PTPRT: variants seen among roughly 807,000 people sequenced by gnomAD.
PTPRT encodes the protein receptor-type tyrosine-protein phosphatase T.
A neutral mutation model predicts 176.8 loss-of-function variants in PTPRT; 56 were observed. The ratio of observed to expected loss-of-function variants is 0.32; its 90% CI spans 0.26 to 0.40. The LOEUF is 0.40. Ranked by LOEUF, PTPRT falls within the 10% of genes least tolerant of loss-of-function variation. The pLI is 1.00. For synonymous variants in PTPRT, 783 were observed against 739.0 expected, an observed-to-expected ratio of 1.06 and a Z score of -0.96; for missense variants, 1,540 against 1,908.2, an observed-to-expected ratio of 0.81 and a Z score of 3.60.
intron 1 of PTPRT, among the ~76,000 whole-genome samples, chr20:43,157,305 G>A (rs2014551550): frequency 6.6e-6 from 1 of 152,124 alleles, no homozygotes; most frequent in Non-Finnish European, 1.5e-5. Flanking sequence ...TCAAGGCTGT[G>A]GTGAGTCCTG....
At chr20:42,189,449 G>C (rs1174807267) in intron 16 of PTPRT, among the ~76,000 whole-genome samples, 1 of 152,154 alleles carries the variant, frequency 6.6e-6, no homozygotes, top group East Asian at 1.9e-4. Flanking sequence ...TGGAGGCAGA[G>C]ACCATGTCTT....
intron 1 of PTPRT, among the ~76,000 whole-genome samples, chr20:42,956,003 G>A (rs1159007801): frequency 6.6e-6 from 1 of 152,154 alleles, no homozygotes; most frequent in South Asian, 2.1e-4. Flanking sequence ...TTCCAGGAGA[G>A]GAAGGGAGAG....
intron 6 of PTPRT, among the ~76,000 whole-genome samples, chr20:42,727,649 T>C (rs1416939342): frequency 6.6e-6 from 1 of 152,124 alleles, no homozygotes; most frequent in Non-Finnish European, 1.5e-5. Context: ...TGCCCACCAA[T>C]GTTCAATTCA....
At chr20:42,111,151 T>C (rs1274923446) in intron 22 of PTPRT, among the ~76,000 whole-genome samples, 1 of 152,002 alleles carries the variant, frequency 6.6e-6, no homozygotes, top group Admixed American at 6.6e-5. Context: ...AGAGACACAC[T>C]CCGGGCCCAG....
At chr20:43,102,977 G>T (rs535909412) in intron 1 of PTPRT, among the ~76,000 whole-genome samples, 1 of 152,248 alleles carries the variant, frequency 6.6e-6, no homozygotes, top group South Asian at 2.1e-4. Flanking sequence ...TATAACTGAT[G>T]GCAAGGAAGA....
At chr20:42,795,071 T>G (rs933947423) in intron 2 of PTPRT, among the ~76,000 whole-genome samples, 1 of 152,064 alleles carries the variant, frequency 6.6e-6, no homozygotes, top group African/African-American at 2.4e-5. Flanking sequence ...ATAATTAATA[T>G]CATCCCAGGG....
At chr20:42,357,331 A>G (rs911830878) in intron 9 of PTPRT, among the ~76,000 whole-genome samples, 12 of 152,178 alleles carry the variant, frequency 7.9e-5, no homozygotes, top group African/African-American at 2.4e-4. Context: ...CCTTTCATAG[A>G]AAAAGTTTGC....
At chr20:42,498,236 G>A (rs1281182463) in intron 7 of PTPRT, among the ~76,000 whole-genome samples, 3 of 152,216 alleles carry the variant, frequency 2.0e-5, no homozygotes, top group African/African-American at 7.2e-5. Flanking sequence ...CCAGTCAACT[G>A]AACAGACTTT....
chr20:42,591,975 CTTT>C (rs71335866), intron 7 of PTPRT, among the ~76,000 whole-genome samples: 16 of 102,382 alleles, frequency 1.6e-4, no homozygotes, highest in African/African-American at 6.2e-4. Flanking sequence ...GCTGGAGATT[CTTT>C]TTTTTTTTTT....
the PTPRT span, among the ~76,000 whole-genome samples, chr20:42,046,074 T>C: frequency 2.0e-5 from 3 of 152,208 alleles, no homozygotes; most frequent in Non-Finnish European, 4.4e-5. Context: ...GCAAGTGCCC[T>C]GGAGTCATGT....
intron 7 of PTPRT, among the ~76,000 whole-genome samples, chr20:42,634,898 T>G (rs2074560134): frequency 6.6e-6 from 1 of 152,152 alleles, no homozygotes; most frequent in Non-Finnish European, 1.5e-5. Context: ...AAGTGAAATC[T>G]AAGGTAAGTC....
chr20:42,521,544 C>G (rs1044526517), intron 7 of PTPRT, among the ~76,000 whole-genome samples: 5 of 152,136 alleles, frequency 3.3e-5, no homozygotes, highest in African/African-American at 1.2e-4. Context: ...TATAGCCATT[C>G]AATACTGTAC....
At chr20:42,363,876 C>G (rs1052525739) in intron 9 of PTPRT, among the ~76,000 whole-genome samples, 7 of 152,092 alleles carry the variant, frequency 4.6e-5, no homozygotes, top group African/African-American at 1.7e-4. Context: ...CCTTGGAGCT[C>G]TTTTGTCATC....
chr20:42,309,006 T>C (rs142492427), intron 12 of PTPRT, among the ~76,000 whole-genome samples: 288 of 152,288 alleles, frequency 1.9e-3, no homozygotes, highest in Middle Eastern at 6.8e-3. Context: ...GAGGAGGAAG[T>C]AGGAGAGAGA....
chr20:42,032,224 T>A, the PTPRT span, among the ~76,000 whole-genome samples: 2 of 151,992 alleles, frequency 1.3e-5, no homozygotes, highest in Admixed American at 6.6e-5. Context: ...AGTGATAGGA[T>A]ATCCATAGGA....
At chr20:42,162,437 G>T (rs1029807781) in intron 16 of PTPRT, among the ~76,000 whole-genome samples, 3 of 152,158 alleles carry the variant, frequency 2.0e-5, no homozygotes, top group African/African-American at 7.2e-5. Flanking sequence ...GTCAGATTGG[G>T]TTTGAATTCT....
chr20:42,707,763 G>A (rs142599749), intron 6 of PTPRT, among the ~76,000 whole-genome samples: 2 of 152,282 alleles, frequency 1.3e-5, no homozygotes, highest in Admixed American at 6.5e-5. Context: ...AGACCAGCCT[G>A]AGCAACACAG....
intron 1 of PTPRT, among the ~76,000 whole-genome samples, chr20:42,999,312 C>T (rs758967190): frequency 5.2e-4 from 79 of 152,028 alleles, no homozygotes; most frequent in Admixed American, 7.9e-4. Flanking sequence ...TTCCACATGG[C>T]GGGATTATAA....
intron 3 of PTPRT, among the ~76,000 whole-genome samples, chr20:42,783,586 C>A (rs373473347): frequency 6.6e-6 from 1 of 152,264 alleles, no homozygotes; most frequent in East Asian, 1.9e-4. Flanking sequence ...GACTCCTAGC[C>A]ATAGGAAGCC....
Sources: allele counts gnomAD v4.1 joint callset (sites outside exome capture counted in the v4.1 genomes callset), GRCh38; gene constraint gnomAD v4.1.1; transcripts MANE v1.5; gene names NCBI Gene and HGNC (gene_info 2026-07-23, HGNC 2026-07-21).